The following COBLL1 variants were observed in gnomAD, a reference collection of about 807,000 sequenced individuals.
COBLL1 encodes cordon-bleu WH2 repeat protein like 1, also known as cordon-bleu protein-like 1.
A neutral mutation model predicts 94.8 loss-of-function variants in COBLL1; 50 were observed. The ratio of observed to expected loss-of-function variants is 0.53; its 90% CI spans 0.42 to 0.67. The LOEUF (loss-of-function observed/expected upper bound fraction) is 0.67. Ranked by LOEUF, COBLL1 falls within the 30% of genes least tolerant of loss-of-function variation. The probability of loss-of-function intolerance (pLI) is 0.00; values close to 1 mark genes in which losing one functional copy is unlikely to be tolerated. For synonymous variants in COBLL1, 448 were observed against 473.8 expected (o/e 0.95, Z 0.71); for missense variants, 1,362 against 1,348.7 (o/e 1.01, Z -0.15).
chr2:164,775,638 T>A (rs1278469090), intron 2 of COBLL1, among the ~76,000 whole-genome samples: 2 of 152,050 alleles, frequency 1.3e-5, no homozygotes, highest in African/African-American at 2.4e-5. Flanking sequence ...AATTTTTGTA[T>A]TTTTAGTAGA....
chr2:164,729,903 G>A lies in COBLL1; in HGVS notation c.432+11C>T, dbSNP rs1417436716. The A allele has an allele frequency of 6.3e-7, 1 of 1,599,642 alleles. No individual in the cohort carries two copies. ...TGAATAAGACATCAAAATATATAATGGAATTCTTACCTCTGGTATTATAGG... is the reference window on the plus strand; with the variant it reads ...TGAATAAGACATCAAAATATATAATAGAATTCTTACCTCTGGTATTATAGG... On this transcript the variant is annotated intron_variant, in intron 4 of 13. Coordinates refer to ENST00000652658, the MANE Select transcript of COBLL1 (RefSeq NM_001365672.2).
intron 7 of COBLL1, among the ~76,000 whole-genome samples, chr2:164,706,103 A>C (rs578005328): frequency 3.2e-4 from 49 of 152,294 alleles, no homozygotes; most frequent in Non-Finnish European, 5.0e-4. Flanking sequence ...ATCCCACTTG[A>C]ATCCTTTCAA....
intron 13 of COBLL1, among the ~76,000 whole-genome samples, chr2:164,690,184 C>A (rs1425349861): frequency 6.6e-6 from 1 of 151,812 alleles, no homozygotes; most frequent in Non-Finnish European, 1.5e-5. Context: ...TTTTAGGGTA[C>A]GTAACTAGAA....
chr2:164,741,976 G>T (rs1338329420), intron 3 of COBLL1, among the ~76,000 whole-genome samples: 1 of 152,050 alleles, frequency 6.6e-6, no homozygotes, highest in Non-Finnish European at 1.5e-5. Context: ...GGAACCCTAA[G>T]ATCTCAGAAA....
intron 1 of COBLL1, among the ~76,000 whole-genome samples, chr2:164,671,117 T>C (rs1444540477): frequency 6.6e-6 from 1 of 152,148 alleles, no homozygotes; most frequent in Non-Finnish European, 1.5e-5. Context: ...CTTACTCCTT[T>C]CTATATATAA....
intron 2 of COBLL1, among the ~76,000 whole-genome samples, chr2:164,662,576 T>C (rs1691087697): frequency 6.6e-6 from 1 of 152,190 alleles, no homozygotes; most frequent in Non-Finnish European, 1.5e-5. Flanking sequence ...CCAAATCTCA[T>C]GTTGAAATGT....
At chr2:164,814,159 C>T (rs1684595159) in intron 2 of COBLL1, among the ~76,000 whole-genome samples, 1 of 152,114 alleles carries the variant, frequency 6.6e-6, no homozygotes, top group South Asian at 2.1e-4. Context: ...GAATGAATTA[C>T]TTTGTAGAAG....
At chr2:164,790,514 C>A (rs61305746) in intron 2 of COBLL1, among the ~76,000 whole-genome samples, 1 of 152,002 alleles carries the variant, frequency 6.6e-6, no homozygotes. Context: ...AAATGTCACA[C>A]GCAATCTTGT....
At chr2:164,826,916 CTCTT>C (rs1685459739) in intron 2 of COBLL1, among the ~76,000 whole-genome samples, 6 of 149,844 alleles carry the variant, frequency 4.0e-5, no homozygotes, top group African/African-American at 1.5e-4. Context: ...TTGTTTCTCT[CTCTT>C]TTTTGTTTTG....
chr2:164,734,194 C>T (rs1394428629), intron 3 of COBLL1, among the ~76,000 whole-genome samples: 1 of 147,348 alleles, frequency 6.8e-6, no homozygotes. Flanking sequence ...TATAAAATAT[C>T]AGATGGTGTT....
intron 9 of COBLL1, among the ~76,000 whole-genome samples, chr2:164,701,472 T>C (rs1488534817): frequency 6.6e-6 from 1 of 152,218 alleles, no homozygotes; most frequent in Non-Finnish European, 1.5e-5. Context: ...TTTTCCTGTA[T>C]GTCCTGAGAA....
At chr2:164,729,767 C>T (rs183628513) in intron 4 of COBLL1, 147 bp downstream of exon 4, 2 of 676,422 alleles carry the variant, frequency 3.0e-6, no homozygotes, top group African/African-American at 3.6e-5. Flanking sequence ...GGATCAATAG[C>T]CAACTGAATC....
chr2:164,703,089 G>A (rs1208497699), intron 9 of COBLL1: 3 of 1,520,468 alleles, frequency 2.0e-6, no homozygotes, highest in Non-Finnish European at 2.7e-6. Flanking sequence ...AGCCAGGAAA[G>A]GCCTGACCAC....
At chr2:164,758,946 T>A (rs1317088211) in intron 2 of COBLL1, among the ~76,000 whole-genome samples, 1 of 151,916 alleles carries the variant, frequency 6.6e-6, no homozygotes, top group Non-Finnish European at 1.5e-5. Context: ...AAGTTTTAGT[T>A]GATTTTTTTT....
At chr2:164,776,284 C>A (rs189381821) in intron 2 of COBLL1, among the ~76,000 whole-genome samples, 28 of 152,218 alleles carry the variant, frequency 1.8e-4, no homozygotes, top group Admixed American at 1.8e-3. Context: ...AACTCCTTAT[C>A]CTGGTAAAGG....
intron 3 of COBLL1, among the ~76,000 whole-genome samples, chr2:164,741,796 C>T (rs1686610974): frequency 6.6e-6 from 1 of 151,908 alleles, no homozygotes; most frequent in South Asian, 2.1e-4. Flanking sequence ...ATATCTGATG[C>T]AGAATCTATC....
rs1013760834 is a variant in COBLL1 at position 164,841,248 on chromosome 2, T to C, written c.-50-2A>G. ...CAGCTCCCAGGCGGCGCGTCACTGC[T>C]GGGGTGGGAGAGGCCGGCGGGTCAG... is the stretch of plus-strand genomic sequence containing the variant. On this transcript the variant is annotated splice_acceptor_variant, in intron 1 of 13. Coordinates refer to ENST00000652658, the MANE Select transcript of COBLL1 (RefSeq NM_001365672.2). LOFTEE classifies it low-confidence loss of function (5UTR_SPLICE). The surrounding 1 kb of genome is among the most constrained non-coding windows in gnomAD (Gnocchi z 5.5). The C allele has an allele frequency of 8.2e-7, 1 of 1,226,164 alleles. No homozygotes were observed. The highest frequency in any genetic ancestry group is 1.0e-6 in the Non-Finnish European group (1 of 984,802). 76.0% of individuals were successfully genotyped at this position (1,226,164 alleles called of 1,614,324 possible).
At chr2:164,734,594 G>A (rs981795336) in intron 3 of COBLL1, among the ~76,000 whole-genome samples, 2 of 152,270 alleles carry the variant, frequency 1.3e-5, no homozygotes, top group South Asian at 2.1e-4. Flanking sequence ...AGGTTATTGC[G>A]AAAATTTAGG....
chr2:164,679,764 A>G (rs1682955284), downstream of COBLL1, among the ~76,000 whole-genome samples: 1 of 148,570 alleles, frequency 6.7e-6, no homozygotes, highest in Non-Finnish European at 1.5e-5. Context: ...AGGGAACATC[A>G]TACACTGGGC....
Sources: allele counts gnomAD v4.1 joint callset (sites outside exome capture counted in the v4.1 genomes callset), GRCh38; gene constraint gnomAD v4.1.1; non-coding constraint Gnocchi (gnomAD v3.1); transcripts MANE v1.5; gene names NCBI Gene and HGNC (gene_info 2026-07-23, HGNC 2026-07-21).